FAM110D: variants seen among roughly 807,000 people sequenced by gnomAD.
FAM110D encodes the protein family with sequence similarity 110 member D.
For missense variants in FAM110D, 376 were observed against 395.6 expected, an observed-to-expected ratio of 0.95 and a Z score of 0.42; for synonymous variants, 174 against 189.4, an observed-to-expected ratio of 0.92 and a Z score of 0.67.
At position 26,162,022 on chromosome 1, in the gene FAM110D, C is replaced by G; in HGVS notation, c.731C>G (p.Ser244Trp). ...GSARDRRPPV[S>W]VVERNARVIQ... The stretch of plus-strand genomic sequence containing the variant: ...GCGCGGGACCGGCGCCCCCCGGTGT[C>G]GGTGGTGGAGCGCAACGCGCGCGTC... Residue 244 changes from serine to tryptophan, a missense_variant, in exon 2 of 2, where the codon TCG (serine) becomes TGG (tryptophan). Ser to Trp is a radical substitution (Grantham distance 177). Transcript: ENST00000374268. This position sits in a 1 kb window ranked among gnomAD's most constrained non-coding sequence, Gnocchi z 5.3. The G allele has an allele frequency of 8.1e-7, 1 of 1,241,232 alleles. No homozygotes were observed. The highest frequency in any genetic ancestry group is 3.8e-5 in the South Asian group (1 of 26,250). 76.9% of individuals were successfully genotyped at this position (1,241,232 alleles called of 1,614,324 possible). A position where few individuals can be genotyped will look rare whatever the true frequency, so the allele number is the denominator to read the frequency against.
In FAM110D at chr1:26,162,109, C is replaced by A. The variant is rs755993537; in HGVS notation, c.*2C>A. 795 of 1,261,086 alleles carry A rather than the reference C, an allele frequency of 6.3e-4. No homozygotes were observed. The highest frequency in any genetic ancestry group is 7.8e-4 in the Non-Finnish European group (780 of 1,003,288). The allele number at this position is 1,261,086 out of a possible 1,614,324, so 78.1% of individuals were successfully genotyped here. ...CCGCCGCGCGAGTCCGAGGTGTGAC[C>A]GCCGCGGCTCCGGACTGGCCCCGGG... On this transcript the variant is annotated 3_prime_UTR_variant, in exon 2 of 2. Transcript: ENST00000374268. This position sits in a 1 kb window ranked among gnomAD's most constrained non-coding sequence, Gnocchi z 5.3.
In FAM110D at chr1:26,161,654, G is replaced by A. The variant is rs1373188631; in HGVS notation, c.363G>A (p.Pro121=). ...TGGGTGCCCCGCGGGACGCTGCCCC[G>A]AGCAGCCCGGCCTCCACAGAGCGAC... ...LFLGAPRDAA[P]SSPASTERPA... The change falls in exon 2 of 2, where the codon CCG becomes CCA. Residue 121 remains proline (P), a synonymous_variant. Transcript: ENST00000374268. This position sits in a 1 kb window ranked among gnomAD's most constrained non-coding sequence, Gnocchi z 5.4. 13 of 1,552,364 alleles carry A rather than the reference G, an allele frequency of 8.4e-6. No individual in the cohort carries two copies. Among genetic ancestry groups the A allele is most frequent in the African/African-American group, 1.4e-5 (1 of 73,162 alleles).
At chr1:26,160,035 AT>A (rs2088347069) in intron 1 of FAM110D, among the ~76,000 whole-genome samples, 1 of 151,676 alleles carries the variant, frequency 6.6e-6, no homozygotes, top group East Asian at 1.9e-4. Context: ...TCTAACGGAA[AT>A]TGCTTGGTTT....
In FAM110D at chr1:26,162,075, G is replaced by GC; in HGVS notation, c.787dup (p.Arg263ProfsTer97). The GC allele has an allele frequency of 7.9e-7, 1 of 1,271,290 alleles. No homozygotes were observed. Among genetic ancestry groups the GC allele is most frequent in the Non-Finnish European group, 9.9e-7 (1 of 1,009,702 alleles). The allele number at this position is 1,271,290 out of a possible 1,614,324, so 78.8% of individuals were successfully genotyped here. A position where few individuals can be genotyped will look rare whatever the true frequency, so the allele number is the denominator to read the frequency against. ...CCAGTGGCTGTACGGCTGCCAGCGCGCCCGCGGACCGCCGCGCGAGTCCGA... is the reference window on the plus strand; with the variant it reads ...CCAGTGGCTGTACGGCTGCCAGCGCGCCCCGCGGACCGCCGCGCGAGTCCGA... On this transcript the variant is annotated frameshift_variant, in exon 2 of 2. Transcript: ENST00000374268. LOFTEE classifies it high-confidence loss of function. The surrounding 1 kb of genome is among the most constrained non-coding windows in gnomAD (Gnocchi z 5.3).
rs1355082419 is a variant in FAM110D, at chr1:26,161,789, C to T, written c.498C>T (p.Phe166=). The T allele has an allele frequency of 6.4e-7, 1 of 1,551,138 alleles. No individual in the cohort carries two copies. The highest frequency in any genetic ancestry group is 2.4e-5 in the East Asian group (1 of 41,302). ...CCCTGTCGGAGAAGGAGCGCTTCTT[C>T]AACTACTGCGGCCTGGAGCGCGCGC... is the stretch of plus-strand genomic sequence containing the variant. ...SLPLSEKERF[F]NYCGLERALV... is the part of the protein sequence containing the mutation. The change falls in exon 2 of 2, where the codon TTC becomes TTT. Residue 166 remains phenylalanine, a synonymous_variant. Coordinates refer to ENST00000374268, the MANE Select transcript of FAM110D (RefSeq NM_024869.3). The surrounding 1 kb of genome is among the most constrained non-coding windows in gnomAD (Gnocchi z 5.4).
Position 26,161,068 on chromosome 1 carries a change from TG to T in FAM110D, c.-80-142del. 1 of 507,246 alleles carries T rather than the reference TG, an allele frequency of 2.0e-6. No individual in the cohort carries two copies. Among genetic ancestry groups the T allele is most frequent in the Admixed American group, 3.6e-5 (1 of 27,914 alleles). The allele number at this position is 507,246 out of a possible 1,614,324, so 31.4% of individuals were successfully genotyped here. ...GTCTCTGAAGGACAGGGAAAGGGGA[TG>T]GCCTGAGCCTCTGCTCCCTGGATGT... is the stretch of plus-strand genomic sequence containing the variant. On this transcript the variant is annotated intron_variant, in intron 1 of 1. Transcript: ENST00000374268. This position sits in a 1 kb window ranked among gnomAD's most constrained non-coding sequence, Gnocchi z 5.4.
rs1249212184 is a variant in FAM110D at position 26,161,695 on chromosome 1, G to A, written c.404G>A (p.Gly135Asp). 5 of 1,550,938 alleles carry A rather than the reference G, an allele frequency of 3.2e-6. No homozygotes were observed. Among genetic ancestry groups the A allele is most frequent in the African/African-American group, 1.4e-5 (1 of 73,138 alleles). ...ACAGAGCGACCTGCGGCTTCAGGGG[G>A]TTGGGCTGCGCCCCAGGATGCCCCG... ...ASTERPAASG[G>D]WAAPQDAPEA... Residue 135 changes from glycine to aspartate, a missense_variant, in exon 2 of 2, where the codon GGT becomes GAT. Physicochemically the swap from Gly to Asp is moderately conservative, Grantham distance 94 (BLOSUM62 -1). Coordinates refer to ENST00000374268, the MANE Select transcript of FAM110D (RefSeq NM_024869.3). The surrounding 1 kb of genome is among the most constrained non-coding windows in gnomAD (Gnocchi z 5.4).
In FAM110D at chr1:26,162,864, G is replaced by C. The variant is rs1243699141; in HGVS notation, c.*757G>C. 1 of 152,214 alleles carries C rather than the reference G, an allele frequency of 6.6e-6. No homozygotes were observed. Among genetic ancestry groups the C allele is most frequent in the African/African-American group, 2.4e-5 (1 of 41,424 alleles). The allele number at this position is 152,214 out of a possible 1,614,324, so 9.4% of individuals were successfully genotyped here. ...GACACAAAAAGAAGGGAACCGGGCC[G>C]GGCGCGGTGGCTCAGGCCTGTAATC... On this transcript the variant is annotated 3_prime_UTR_variant, in exon 2 of 2. Coordinates refer to ENST00000374268, the MANE Select transcript of FAM110D (RefSeq NM_024869.3). This position sits in a 1 kb window ranked among gnomAD's most constrained non-coding sequence, Gnocchi z 5.3.
In FAM110D at chr1:26,162,175, C is replaced by T; in HGVS notation, c.*68C>T. The T allele has an allele frequency of 9.9e-7, 1 of 1,013,270 alleles. No individual in the cohort carries two copies. Among genetic ancestry groups the T allele is most frequent in the Non-Finnish European group, 1.3e-6 (1 of 780,222 alleles). 62.8% of individuals were successfully genotyped at this position (1,013,270 alleles called of 1,614,324 possible). On this transcript the variant is annotated 3_prime_UTR_variant, in exon 2 of 2. Transcript: ENST00000374268. The surrounding 1 kb of genome is among the most constrained non-coding windows in gnomAD (Gnocchi z 5.3). ...GGAAAAGGACACCCCTCTTCTGGCG[C>T]GCTGGGTGCCTTTGCGTAAGCCCTT...
Position 26,163,242 on chromosome 1 carries a change from A to G in FAM110D, c.*1135A>G, listed in dbSNP as rs1037286765. 1 of 151,884 alleles carries G rather than the reference A, an allele frequency of 6.6e-6. No individual in the cohort carries two copies. Among genetic ancestry groups the G allele is most frequent in the Non-Finnish European group, 1.5e-5 (1 of 68,030 alleles). The allele number at this position is 151,884 out of a possible 1,614,324, so 9.4% of individuals were successfully genotyped here. A position where few individuals can be genotyped will look rare whatever the true frequency, so the allele number is the denominator to read the frequency against. On this transcript the variant is annotated 3_prime_UTR_variant, in exon 2 of 2. Coordinates refer to ENST00000374268, the MANE Select transcript of FAM110D (RefSeq NM_024869.3). ...AGGACACACAAGTTCGCCTATTTTC[A>G]TCACAGGTTCGCACCTCCAAGCCTG...
chr1:26,160,179 C>G (rs1282711852), intron 1 of FAM110D, among the ~76,000 whole-genome samples: 1 of 151,664 alleles, frequency 6.6e-6, no homozygotes, highest in Non-Finnish European at 1.5e-5. Context: ...CTGCAACCTC[C>G]GCCTCCCAGC....
In FAM110D at chr1:26,161,331, AC is replaced by A; in HGVS notation, c.45del (p.Ser16AlafsTer19). The A allele has an allele frequency of 6.3e-7, 1 of 1,590,882 alleles. No homozygotes were observed. Among genetic ancestry groups the A allele is most frequent in the Non-Finnish European group, 8.6e-7 (1 of 1,169,198 alleles). The stretch of plus-strand genomic sequence containing the variant: ...TCCCTCCACCCCGTCCAGAGGACGG[AC>A]CCCCAGCGCCGTGGAGAGGCTGGAA... ...APPSTPSRGR[T>X]PSAVERLEAD... On this transcript the variant is annotated frameshift_variant, in exon 2 of 2. Transcript: ENST00000374268. LOFTEE classifies it low-confidence loss of function (END_TRUNC). This position sits in a 1 kb window ranked among gnomAD's most constrained non-coding sequence, Gnocchi z 5.4.
Position 26,162,454 on chromosome 1 carries a change from T to G in FAM110D, c.*347T>G. On this transcript the variant is annotated 3_prime_UTR_variant, in exon 2 of 2. Coordinates refer to ENST00000374268, the MANE Select transcript of FAM110D (RefSeq NM_024869.3). This position sits in a 1 kb window ranked among gnomAD's most constrained non-coding sequence, Gnocchi z 5.3. Reference sequence around the variant, plus strand: ...AAACCCGTGGGTTTTGGAATGTGTGTTCCCGGCTGTGTGATCCTGGGCAAG... The same window carrying G: ...AAACCCGTGGGTTTTGGAATGTGTGGTCCCGGCTGTGTGATCCTGGGCAAG... 10 of 201,518 alleles carry G rather than the reference T, an allele frequency of 5.0e-5. No homozygotes were observed. Among genetic ancestry groups the G allele is most frequent in the East Asian group, 2.8e-4 (2 of 7,228 alleles). The allele number at this position is 201,518 out of a possible 1,614,324, so 12.5% of individuals were successfully genotyped here.
chr1:26,159,231 G>A (rs2088338649), intron 1 of FAM110D, 105 bp downstream of exon 1: 2 of 152,360 alleles, frequency 1.3e-5, no homozygotes, highest in African/African-American at 4.8e-5. Flanking sequence ...CCCATGCCCA[G>A]AGCAGAAGCC....
Position 26,161,482 on chromosome 1 carries a change from C to T in FAM110D, c.191C>T (p.Pro64Leu), listed in dbSNP as rs1185560936. The change falls in exon 2 of 2, where the codon CCC becomes CTC. Residue 64 changes from proline (P) to leucine (L), a missense_variant. Transcript: ENST00000374268. The surrounding 1 kb of genome is among the most constrained non-coding windows in gnomAD (Gnocchi z 5.4). ...PCNELGPPAS[P>L]RTPRPVRRGS... ...AACGAGCTGGGGCCCCCTGCATCGC[C>T]CAGGACGCCCAGGCCGGTCCGCCGG... The T allele has an allele frequency of 4.6e-5, 71 of 1,555,018 alleles. No individual in the cohort carries two copies. The highest frequency in any genetic ancestry group is 5.9e-5 in the Non-Finnish European group (68 of 1,149,612).
chr1:26,161,719 C>G lies in FAM110D; in HGVS notation c.428C>G (p.Pro143Arg). 6.5e-7 allele frequency: 1 copy of G among 1,550,060 alleles called. No individual in the cohort carries two copies. ...GGTTGGGCTGCGCCCCAGGATGCCCCGGAAGCGGCGGGAAAGCGGGCGCTG... is the reference window on the plus strand; with the variant it reads ...GGTTGGGCTGCGCCCCAGGATGCCCGGGAAGCGGCGGGAAAGCGGGCGCTG... ...SGGWAAPQDA[P>R]EAAGKRALCP... Residue 143 changes from proline (P) to arginine (R), a missense_variant, in exon 2 of 2, where the codon CCG (proline) becomes CGG (arginine). Physicochemically the swap from Pro to Arg is moderately radical, Grantham distance 103. Transcript: ENST00000374268. The surrounding 1 kb of genome is among the most constrained non-coding windows in gnomAD (Gnocchi z 5.4).
chr1:26,161,604 C>CAG lies in FAM110D; in HGVS notation c.314_315dup (p.Gly106ArgfsTer250), dbSNP rs1348660935. On this transcript the variant is annotated frameshift_variant, in exon 2 of 2. Transcript: ENST00000374268. LOFTEE classifies it low-confidence loss of function (END_TRUNC). The surrounding 1 kb of genome is among the most constrained non-coding windows in gnomAD (Gnocchi z 5.4). ...GGTGAACAAAGAGAACGCCAAGGGCCAGGGTCTGGTGCGGCGCCTCTTTCT... is the reference window on the plus strand; with the variant it reads ...GGTGAACAAAGAGAACGCCAAGGGCCAGAGGGTCTGGTGCGGCGCCTCTTTCT... 6.4e-7 allele frequency: 1 copy of CAG among 1,550,538 alleles called. No homozygotes were observed. The highest frequency in any genetic ancestry group is 1.2e-5 in the South Asian group (1 of 84,100).
chr1:26,162,123 A>G lies in FAM110D; in HGVS notation c.*16A>G. 2 of 1,252,366 alleles carry G rather than the reference A, an allele frequency of 1.6e-6. No homozygotes were observed. Among genetic ancestry groups the G allele is most frequent in the Non-Finnish European group, 2.0e-6 (2 of 996,628 alleles). The allele number at this position is 1,252,366 out of a possible 1,614,324, so 77.6% of individuals were successfully genotyped here. On this transcript the variant is annotated 3_prime_UTR_variant, in exon 2 of 2. Coordinates refer to ENST00000374268, the MANE Select transcript of FAM110D (RefSeq NM_024869.3). The surrounding 1 kb of genome is among the most constrained non-coding windows in gnomAD (Gnocchi z 5.3). ...CGAGGTGTGACCGCCGCGGCTCCGG[A>G]CTGGCCCCGGGACTGGCCCCGGGCA...
chr1:26,161,064 G>T lies in FAM110D; in HGVS notation c.-80-148G>T. 2.0e-6 allele frequency: 1 copy of T among 506,446 alleles called. No homozygotes were observed. Among genetic ancestry groups the T allele is most frequent in the Non-Finnish European group, 3.5e-6 (1 of 285,892 alleles). 31.4% of individuals were successfully genotyped at this position (506,446 alleles called of 1,614,324 possible). On this transcript the variant is annotated intron_variant, in intron 1 of 1. Transcript: ENST00000374268. The surrounding 1 kb of genome is among the most constrained non-coding windows in gnomAD (Gnocchi z 5.4). ...CAATGTCTCTGAAGGACAGGGAAAGGGGATGGCCTGAGCCTCTGCTCCCTG... is the reference window on the plus strand; with the variant it reads ...CAATGTCTCTGAAGGACAGGGAAAGTGGATGGCCTGAGCCTCTGCTCCCTG...
Sources: allele counts gnomAD v4.1 joint callset (sites outside exome capture counted in the v4.1 genomes callset), GRCh38; gene constraint gnomAD v4.1.1; non-coding constraint Gnocchi (gnomAD v3.1); transcripts MANE v1.5; gene names NCBI Gene and HGNC (gene_info 2026-07-23, HGNC 2026-07-21).